CEP128: variants seen among roughly 807,000 people sequenced by gnomAD.
CEP128 encodes centrosomal protein 128, also known as centrosomal protein 128kDa.
CEP128 carries 132 observed loss-of-function variants against 156.7 expected under a neutral mutation model. That is an observed-to-expected ratio of 0.84 (90% CI 0.73 to 0.97). CEP128 has a LOEUF of 0.97. CEP128 is among the 50% of genes least tolerant of loss of function. The pLI is 0.00. For synonymous variants in CEP128, 469 were observed against 448.9 expected, an observed-to-expected ratio of 1.04 and a Z score of -0.57; for missense variants, 1,252 against 1,281.9, an observed-to-expected ratio of 0.98 and a Z score of 0.36.
chr14:80,500,363 CCCAGAA>C (rs1362986473), intron 24 of CEP128, among the ~76,000 whole-genome samples: 1 of 152,136 alleles, frequency 6.6e-6, no homozygotes, highest in Non-Finnish European at 1.5e-5. Flanking sequence ...GTTCTGTGGG[CCCAGAA>C]ACTCATGTCT....
chr14:80,707,308 T>G (rs1332872649), intron 19 of CEP128, among the ~76,000 whole-genome samples: 1 of 152,148 alleles, frequency 6.6e-6, no homozygotes, highest in Non-Finnish European at 1.5e-5. Flanking sequence ...TTCAGAGACC[T>G]TGTAGTGTTG....
intron 21 of CEP128, among the ~76,000 whole-genome samples, chr14:80,540,983 GTTTTCTC>G (rs1889730245): frequency 6.6e-6 from 1 of 152,092 alleles, no homozygotes; most frequent in Non-Finnish European, 1.5e-5. Flanking sequence ...TCCACAAAAT[GTTTTCTC>G]TAATCATATT....
intron 20 of CEP128, among the ~76,000 whole-genome samples, chr14:80,561,276 T>C (rs1055993025): frequency 2.0e-5 from 3 of 152,214 alleles, no homozygotes; most frequent in Non-Finnish European, 2.9e-5. Context: ...TTTGTTGGCA[T>C]AGTTAAGAGG....
chr14:80,521,512 T>A (rs1888744252), intron 23 of CEP128, among the ~76,000 whole-genome samples: 1 of 152,216 alleles, frequency 6.6e-6, no homozygotes. Flanking sequence ...CCAATTCAAC[T>A]GGCAACCTTT....
intron 24 of CEP128, among the ~76,000 whole-genome samples, chr14:80,501,643 T>C (rs1056812458): frequency 6.6e-6 from 1 of 151,962 alleles, no homozygotes; most frequent in Admixed American, 6.6e-5. Flanking sequence ...TAGCTGGGAC[T>C]ACAGGCACCC....
chr14:80,713,195 T>C (rs2139421132), intron 19 of CEP128, among the ~76,000 whole-genome samples: 1 of 152,240 alleles, frequency 6.6e-6, no homozygotes, highest in South Asian at 2.1e-4. Context: ...AACACCACAC[T>C]TACTCACTGG....
At chr14:80,904,696 T>A in intron 6 of CEP128, 117 bp downstream of exon 6, 1 of 696,392 alleles carries the variant, frequency 1.4e-6, no homozygotes, top group Non-Finnish European at 2.6e-6. Context: ...CAGTATAAAG[T>A]TACTAATGAT....
At position 80,920,757 on chromosome 14, in the gene CEP128, T is replaced by G. The variant is rs1464453615; in HGVS notation, c.-15-4195A>C. Among the ~76,000 whole-genome samples the G allele has an allele frequency of 2.0e-5, 3 of 152,194 alleles. No individual in the cohort carries two copies. The East Asian group carries it at 5.8e-4, about 29-fold the overall frequency. On this transcript the variant is annotated intron_variant, in intron 2 of 24. Coordinates refer to ENST00000555265, the MANE Select transcript of CEP128 (RefSeq NM_152446.5). ...GACGCTTTTCTAGACTATGTAATTG[T>G]TTTCTTTTAAATGGTAATGTCTATG...
intron 21 of CEP128, among the ~76,000 whole-genome samples, chr14:80,536,164 G>A (rs906766673): frequency 6.6e-6 from 1 of 152,050 alleles, no homozygotes; most frequent in Non-Finnish European, 1.5e-5. Flanking sequence ...AACATAAGTA[G>A]CAGCAATTAG....
At chr14:80,564,191 T>C (rs1225248729) in intron 20 of CEP128, among the ~76,000 whole-genome samples, 1 of 152,202 alleles carries the variant, frequency 6.6e-6, no homozygotes, top group Non-Finnish European at 1.5e-5. Flanking sequence ...AAAGGGAAAG[T>C]TTATGAAACA....
chr14:80,769,692 T>C (rs977796186), intron 16 of CEP128, among the ~76,000 whole-genome samples: 2 of 152,192 alleles, frequency 1.3e-5, no homozygotes, highest in African/African-American at 4.8e-5. Context: ...TTTTTAAACT[T>C]AAAAATGAAA....
chr14:80,731,676 A>G (rs1268030574), intron 19 of CEP128, among the ~76,000 whole-genome samples: 2 of 152,208 alleles, frequency 1.3e-5, no homozygotes, highest in Non-Finnish European at 2.9e-5. Context: ...TATCTGATCT[A>G]CGAAGGAGAG....
At chr14:80,923,493 A>G (rs1255193435) in intron 2 of CEP128, among the ~76,000 whole-genome samples, 1 of 152,234 alleles carries the variant, frequency 6.6e-6, no homozygotes, top group Non-Finnish European at 1.5e-5. Context: ...CCTCTGAGCC[A>G]GTTTAAAACA....
Position 80,831,935 on chromosome 14 carries a change from C to G in CEP128, c.1058-641G>C, listed in dbSNP as rs1885823033. ...CCTGATGTGGTTTGGCTCTGCCCCA[C>G]TCAAATCTCATCTTGAATTGTAGCT... On this transcript the variant is annotated intron_variant, in intron 12 of 24. Transcript: ENST00000555265. Among the ~76,000 whole-genome samples, 5 of 152,182 alleles carry G rather than the reference C, an allele frequency of 3.3e-5. No individual in the cohort carries two copies. In the South Asian group the frequency reaches 1.0e-3, roughly 32 times the overall value.
intron 10 of CEP128, among the ~76,000 whole-genome samples, chr14:80,839,975 T>C (rs1174544775): frequency 1.3e-5 from 2 of 152,118 alleles, no homozygotes; most frequent in African/African-American, 4.8e-5. Context: ...GCAAATCTGA[T>C]GGCCTAACAT....
chr14:80,785,354 G>A lies in CEP128; in HGVS notation c.1752C>T (p.Ser584=). The change falls in exon 15 of 25, where the codon TCC becomes TCT. Residue 584 remains serine (S), a synonymous_variant. Transcript: ENST00000555265. ...TCTCCAGTCTATGGATGGTATCCAG[G>A]GAATTCTTAACTTCCAATTCAAGGT... The part of the protein sequence containing the change: ...QADLELEVKN[S]LDTIHRLESE... 1 of 1,614,090 alleles carries A rather than the reference G, an allele frequency of 6.2e-7. No individual in the cohort carries two copies. The highest frequency in any genetic ancestry group is 8.5e-7 in the Non-Finnish European group (1 of 1,179,982).
At chr14:80,738,577 G>T (rs756891944) in intron 19 of CEP128, among the ~76,000 whole-genome samples, 6 of 152,082 alleles carry the variant, frequency 3.9e-5, no homozygotes, top group Non-Finnish European at 7.3e-5. Context: ...TTTCAATTTG[G>T]TTTCAATCAC....
chr14:80,871,511 T>A (rs1422150877), intron 8 of CEP128, among the ~76,000 whole-genome samples: 1 of 152,122 alleles, frequency 6.6e-6, no homozygotes. Context: ...TGCCATTTCC[T>A]GAGACAGTGA....
intron 6 of CEP128, chr14:80,490,736 T>C (rs1351863141): frequency 6.6e-6 from 1 of 152,072 alleles, no homozygotes; most frequent in African/African-American, 2.4e-5. Flanking sequence ...GGAGAACACA[T>C]GATATTGGAA....
Sources: gnomAD v4.1 joint callset for allele counts (sites outside exome capture counted in the v4.1 genomes callset) on GRCh38, gnomAD v4.1.1 for gene constraint, MANE v1.5 for transcripts, NCBI Gene and HGNC (gene_info 2026-07-23, HGNC 2026-07-21) for gene names.